SAMD12: variants seen among roughly 807,000 people sequenced by gnomAD.
The protein encoded by SAMD12 is sterile alpha motif domain containing 12.
SAMD12 carries 9 observed loss-of-function variants against 15.0 expected under a neutral mutation model. That is an observed-to-expected ratio of 0.60 (90% CI 0.36 to 1.05). The LOEUF is 1.05. Ranked by LOEUF, SAMD12 falls within the 50% of genes least tolerant of loss-of-function variation. The probability of loss-of-function intolerance (pLI) is 0.01; values close to 1 mark genes in which losing one functional copy is unlikely to be tolerated. For missense variants in SAMD12, 230 were observed against 234.2 expected, an observed-to-expected ratio of 0.98 and a Z score of 0.12; for synonymous variants, 86 against 90.1, an observed-to-expected ratio of 0.96 and a Z score of 0.25.
intron 3 of SAMD12, among the ~76,000 whole-genome samples, chr8:118,388,558 C>T (rs1281329894): frequency 2.0e-5 from 3 of 152,144 alleles, no homozygotes; most frequent in Admixed American, 6.6e-5. Flanking sequence ...CCCACCCCTT[C>T]CCATAACGTA....
At chr8:118,304,683 C>T (rs1815222291) in intron 4 of SAMD12, among the ~76,000 whole-genome samples, 1 of 150,948 alleles carries the variant, frequency 6.6e-6, no homozygotes, top group Admixed American at 6.6e-5. Flanking sequence ...TGGCGTGAAC[C>T]CGGGAGGTGG....
At chr8:118,503,220 G>A (rs1824834021) in intron 2 of SAMD12, among the ~76,000 whole-genome samples, 1 of 152,176 alleles carries the variant, frequency 6.6e-6, no homozygotes, top group African/African-American at 2.4e-5. Context: ...GCCGTCTGTA[G>A]GGCTTTCTTG....
intron 4 of SAMD12, among the ~76,000 whole-genome samples, chr8:118,248,954 CAT>C (rs1491367701): frequency 3.3e-5 from 5 of 152,148 alleles, no homozygotes; most frequent in African/African-American, 9.6e-5. Flanking sequence ...AAATAAAAGG[CAT>C]GTGTGTGTGT....
At chr8:118,257,557 G>C (rs1812977848) in intron 4 of SAMD12, among the ~76,000 whole-genome samples, 1 of 152,086 alleles carries the variant, frequency 6.6e-6, no homozygotes, top group Non-Finnish European at 1.5e-5. Flanking sequence ...TGACCATACG[G>C]AATCTGCAAG....
intron 4 of SAMD12, among the ~76,000 whole-genome samples, chr8:118,261,710 T>C (rs996336574): frequency 1.3e-5 from 2 of 151,892 alleles, no homozygotes; most frequent in African/African-American, 2.4e-5. Context: ...TGACCATTTA[T>C]AAAGTTTTTG....
At chr8:118,552,786 T>C (rs944406305) in intron 2 of SAMD12, among the ~76,000 whole-genome samples, 4 of 152,042 alleles carry the variant, frequency 2.6e-5, no homozygotes, top group South Asian at 2.1e-4. Flanking sequence ...AAAACCCCAT[T>C]GTCTCAGCCC....
intron 3 of SAMD12, among the ~76,000 whole-genome samples, chr8:118,392,058 C>T (rs1820303801): frequency 1.3e-5 from 2 of 152,162 alleles, no homozygotes; most frequent in African/African-American, 4.8e-5. Context: ...CATTTCTTCG[C>T]TGGCAAAATG....
chr8:118,320,749 C>T (rs1247468056), intron 4 of SAMD12, among the ~76,000 whole-genome samples: 3 of 150,698 alleles, frequency 2.0e-5, no homozygotes, highest in Admixed American at 6.6e-5. Context: ...CACACCAACA[C>T]GGTACATGTA....
chr8:118,489,203 T>C (rs1237900118), intron 2 of SAMD12, among the ~76,000 whole-genome samples: 3 of 152,190 alleles, frequency 2.0e-5, no homozygotes, highest in Admixed American at 2.0e-4. Flanking sequence ...GTCTTTTTTC[T>C]CACTGATTTA....
chr8:118,214,009 C>T (rs1041980467), intron 4 of SAMD12, among the ~76,000 whole-genome samples: 1 of 152,182 alleles, frequency 6.6e-6, no homozygotes, highest in Admixed American at 6.5e-5. Flanking sequence ...GTCTTGTACC[C>T]TACTTGGAAA....
At chr8:118,365,456 GAAGGAC>G (rs1818715339) in intron 4 of SAMD12, among the ~76,000 whole-genome samples, 1 of 152,148 alleles carries the variant, frequency 6.6e-6, no homozygotes, top group African/African-American at 2.4e-5. Context: ...AAAAAGTGGA[GAAGGAC>G]AACTTGTTTC....
At chr8:118,517,943 G>A (rs1177110804) in intron 2 of SAMD12, among the ~76,000 whole-genome samples, 2 of 152,100 alleles carry the variant, frequency 1.3e-5, no homozygotes, top group Non-Finnish European at 2.9e-5. Context: ...TGTCATTCAG[G>A]TTCTATTTTT....
rs115013934 is a variant in SAMD12 at position 118,230,784 on chromosome 8, T to A, written c.434-33052A>T. On this transcript the variant is annotated intron_variant, in intron 4 of 4. Transcript: ENST00000409003. ...AGGTATTCAAGAAAGGAAAGAAGGCTGGTGTGCCTGCAGCACAGTGAGCGA... is the reference window on the plus strand; with the variant it reads ...AGGTATTCAAGAAAGGAAAGAAGGCAGGTGTGCCTGCAGCACAGTGAGCGA... Among the ~76,000 whole-genome samples the A allele has an allele frequency of 4.0e-3, 611 of 152,224 alleles. 3 individuals are homozygous for A. Among genetic ancestry groups the A allele is most frequent in the African/African-American group, 0.014 (590 of 41,530 alleles).
chr8:118,133,921 T>G, the SAMD12 span, among the ~76,000 whole-genome samples: 19 of 152,220 alleles, frequency 1.2e-4, no homozygotes, highest in African/African-American at 4.6e-4. Context: ...TAGTCCTGGT[T>G]GTTTATCATG....
intron 1 of SAMD12, among the ~76,000 whole-genome samples, chr8:118,589,553 G>A (rs1450749159): frequency 6.6e-6 from 1 of 152,258 alleles, no homozygotes; most frequent in South Asian, 2.1e-4. Flanking sequence ...CAGTAAAGTG[G>A]GGACAGACTT....
chr8:118,359,102 A>G (rs1818371391), intron 4 of SAMD12, among the ~76,000 whole-genome samples: 1 of 152,072 alleles, frequency 6.6e-6, no homozygotes, highest in Non-Finnish European at 1.5e-5. Context: ...TGCCCCCCCA[A>G]TTAATATGTT....
At chr8:118,601,817 A>G (rs190326960) in intron 1 of SAMD12, among the ~76,000 whole-genome samples, 1 of 152,356 alleles carries the variant, frequency 6.6e-6, no homozygotes, top group East Asian at 1.9e-4. Context: ...ACTGATGGGT[A>G]GAAGCAGAGA....
chr8:118,453,925 CA>C (rs1823160118), intron 2 of SAMD12, among the ~76,000 whole-genome samples: 1 of 152,044 alleles, frequency 6.6e-6, no homozygotes, highest in African/African-American at 2.4e-5. Context: ...CTGTTTTTCC[CA>C]AAGATCTACC....
intron 3 of SAMD12, 64 bp downstream of exon 3, chr8:118,439,768 G>A: frequency 1.3e-6 from 2 of 1,523,804 alleles, no homozygotes; most frequent in East Asian, 4.5e-5. Context: ...TAAGGGTATG[G>A]GAAAGGCTAT....
Sources: gnomAD v4.1 joint callset for allele counts (sites outside exome capture counted in the v4.1 genomes callset) on GRCh38, gnomAD v4.1.1 for gene constraint, MANE v1.5 for transcripts, NCBI Gene and HGNC (gene_info 2026-07-23, HGNC 2026-07-21) for gene names.